Variants in ALAS1 observed in about 807,000 individuals in gnomAD.
ALAS1 encodes the protein 5-aminolevulinate synthase, non-specific, mitochondrial.
A neutral mutation model predicts 59.6 loss-of-function variants in ALAS1; 29 were observed. The observed-to-expected ratio is 0.49, with a 90% CI of 0.36 to 0.66. ALAS1 has a LOEUF of 0.66. Among genes scored for constraint, ALAS1 ranks in the 30% least tolerant of loss-of-function variants. The pLI, the probability that ALAS1 is intolerant of heterozygous loss-of-function variation, is 0.00. For missense variants in ALAS1, 690 were observed against 807.5 expected (o/e 0.85, Z 1.76); for synonymous variants, 299 against 296.6 (o/e 1.01, Z -0.08).
At chr3:52,200,404 T>C (rs1699163883) in intron 3 of ALAS1, among the ~76,000 whole-genome samples, 1 of 152,218 alleles carries the variant, frequency 6.6e-6, no homozygotes, top group South Asian at 2.1e-4. Context: ...GTACCTCATA[T>C]AAGTGAAATT....
At position 52,208,159 on chromosome 3, in the gene ALAS1, C is replaced by T. The variant is rs766317488; in HGVS notation, c.1242C>T (p.His414=). 18 of 1,612,926 alleles carry T rather than the reference C, an allele frequency of 1.1e-5. No homozygotes were observed. The highest frequency in any genetic ancestry group is 2.2e-5 in the South Asian group (2 of 90,912). Residue 414 remains histidine (H), a synonymous_variant, in exon 9 of 12, where the codon CAC becomes CAT. Coordinates refer to ENST00000484952, the MANE Select transcript of ALAS1 (RefSeq NM_000688.6). ...CAATCACCTTCGTGGATGAGGTCCA[C>T]GCAGTGGGGCTTTATGGGGCTCGAG... is the stretch of plus-strand genomic sequence containing the variant. ...FGAITFVDEV[H]AVGLYGARGG...
intron 9 of ALAS1, among the ~76,000 whole-genome samples, chr3:52,208,530 G>A (rs1296646078): frequency 6.6e-6 from 1 of 152,222 alleles, no homozygotes; most frequent in Non-Finnish European, 1.5e-5. Context: ...GCAAGAGCCT[G>A]TACTCTCTGT....
intron 10 of ALAS1, among the ~76,000 whole-genome samples, chr3:52,211,875 A>G (rs1413406304): frequency 6.6e-6 from 1 of 152,202 alleles, no homozygotes; most frequent in Non-Finnish European, 1.5e-5. Context: ...AGTAAATTTC[A>G]AAATAGGTTT....
At chr3:52,198,138 A>G (rs1446819270), upstream of ALAS1, 6 of 398,244 alleles carry the variant, frequency 1.5e-5, no homozygotes, top group Non-Finnish European at 2.2e-5. Flanking sequence ...CTGTATATTA[A>G]GGCGCCGGCG....
intron 11 of ALAS1, among the ~76,000 whole-genome samples, chr3:52,212,959 C>T (rs766293941): frequency 4.6e-5 from 7 of 152,122 alleles, no homozygotes; most frequent in African/African-American, 1.4e-4. Flanking sequence ...CCTGGGAATC[C>T]GCTCAGTGTT....
chr3:52,205,318 C>T (rs1699271817), intron 6 of ALAS1, among the ~76,000 whole-genome samples: 1 of 152,136 alleles, frequency 6.6e-6, no homozygotes, highest in Non-Finnish European at 1.5e-5. Context: ...TGGTAGATCC[C>T]ATCACTCGTC....
chr3:52,202,477 A>G (rs369979131), intron 3 of ALAS1, 30 bp from the exon 4 acceptor site: 648 of 1,570,588 alleles, frequency 4.1e-4, no homozygotes, highest in Non-Finnish European at 5.2e-4. Context: ...ACCAGATCTG[A>G]TGCTTCACTT....
Position 52,198,697 on chromosome 3 carries a change from G to C in ALAS1, c.-184G>C, listed in dbSNP as rs540171172. 17 of 1,056,802 alleles carry C rather than the reference G, an allele frequency of 1.6e-5. No individual in the cohort carries two copies. The African/African-American group carries it at 2.5e-4, about 16-fold the overall frequency. 65.5% of individuals were successfully genotyped at this position (1,056,802 alleles called of 1,614,324 possible). A position where few individuals can be genotyped will look rare whatever the true frequency, so the allele number is the denominator to read the frequency against. On this transcript the variant is annotated 5_prime_UTR_variant, in exon 2 of 12. Transcript: ENST00000484952. Reference sequence around the variant, plus strand: ...TTATGCCCAGTTCTTCCCGCTGTGGGGACACGACCACGGAGGAATCCTTGC... The same window carrying C: ...TTATGCCCAGTTCTTCCCGCTGTGGCGACACGACCACGGAGGAATCCTTGC...
In ALAS1 at chr3:52,202,504, CA is replaced by C. The variant is rs1159509147; in HGVS notation, c.200-2del. The C allele has an allele frequency of 6.2e-7, 1 of 1,607,710 alleles. No individual in the cohort carries two copies. On this transcript the variant is annotated splice_acceptor_variant, in intron 3 of 11. Coordinates refer to ENST00000484952, the MANE Select transcript of ALAS1 (RefSeq NM_000688.6). LOFTEE classifies it high-confidence loss of function. Reference sequence around the variant, plus strand: ...GCTTCACTTTTTCCATTTCCTCCCTCAGAAGACAAAACTGCTAAGGCCAAGG... The same window carrying C: ...GCTTCACTTTTTCCATTTCCTCCCTCGAAGACAAAACTGCTAAGGCCAAGG...
intron 3 of ALAS1, among the ~76,000 whole-genome samples, chr3:52,200,898 A>T (rs1451526096): frequency 6.6e-6 from 1 of 152,118 alleles, no homozygotes; most frequent in Non-Finnish European, 1.5e-5. Flanking sequence ...TTCTTTAAGC[A>T]GAAAGGATTT....
At chr3:52,210,403 G>C (rs1234260458) in intron 9 of ALAS1, among the ~76,000 whole-genome samples, 1 of 152,200 alleles carries the variant, frequency 6.6e-6, no homozygotes, top group African/African-American at 2.4e-5. Context: ...CCTGCATTTT[G>C]ATCCTGGTTA....
rs1699469862 is a variant in ALAS1 at position 52,214,221 on chromosome 3, A to G, written c.*41A>G. ...TTTCACTTAACCCCAGGCCATTATCATATCCAGATGGTCTTCAGAGTTGTC... is the reference window on the plus strand; with the variant it reads ...TTTCACTTAACCCCAGGCCATTATCGTATCCAGATGGTCTTCAGAGTTGTC... On this transcript the variant is annotated 3_prime_UTR_variant, in exon 12 of 12. Coordinates refer to ENST00000484952, the MANE Select transcript of ALAS1 (RefSeq NM_000688.6). 2.6e-6 allele frequency: 4 copies of G among 1,531,028 alleles called. No individual in the cohort carries two copies. The highest frequency in any genetic ancestry group is 3.6e-6 in the Non-Finnish European group (4 of 1,121,980). The allele number at this position is 1,531,028 out of a possible 1,614,324, so 94.8% of individuals were successfully genotyped here.
At position 52,205,850 on chromosome 3, in the gene ALAS1, A is replaced by G. The variant is rs1479780534; in HGVS notation, c.812A>G (p.Lys271Arg). The G allele has an allele frequency of 6.2e-7, 1 of 1,609,370 alleles. No individual in the cohort carries two copies. The highest frequency in any genetic ancestry group is 1.7e-5 in the Admixed American group (1 of 59,348). The change falls in exon 7 of 12, where the codon AAA becomes AGA. Residue 271 changes from lysine (K) to arginine (R), a missense_variant. Lys to Arg is a conservative substitution (Grantham distance 26). Transcript: ENST00000484952. ...GTATTTTTAAACAGGGACACTTTGA[A>G]ACAACATGGTGCTGGGGCAGGTGGT... ...RVCGAVMDTLKQHGAGAGGTR... is the reference protein window; with the variant it reads ...RVCGAVMDTLRQHGAGAGGTR...
chr3:52,198,568 C>G lies in ALAS1; in HGVS notation c.-209-104C>G, dbSNP rs1699118543. ...ACTGCCGGAGGACTGCCTTCTTTCT[C>G]CAGACTCAACTCCCTCGACTTTATA... is the stretch of plus-strand genomic sequence containing the variant. On this transcript the variant is annotated intron_variant, in intron 1 of 11. Transcript: ENST00000484952. 2.7e-5 allele frequency: 15 copies of G among 563,894 alleles called. No individual in the cohort carries two copies. In the South Asian group the frequency reaches 3.4e-4, roughly 13 times the overall value. The allele number at this position is 563,894 out of a possible 1,614,324, so 34.9% of individuals were successfully genotyped here.
At chr3:52,206,840 A>ATTTTTTTTTTTTTTTTTTTTTTT in intron 8 of ALAS1, 89 bp downstream of exon 8, 1 of 976,982 alleles carries the variant, frequency 1.0e-6, no homozygotes, top group African/African-American at 1.7e-5. Context: ...GTGTTTTTTA[A>ATTTTTTTTTTTTTTTTTTTTTTT]TTTTTTTTTT....
intron 11 of ALAS1, among the ~76,000 whole-genome samples, chr3:52,212,666 G>T (rs1047612882): frequency 1.7e-4 from 26 of 151,992 alleles, no homozygotes; most frequent in African/African-American, 5.8e-4. Context: ...TGAGTAGCTG[G>T]GATTACAGCC....
At chr3:52,208,014 G>T in intron 8 of ALAS1, 69 bp from the exon 9 acceptor site, 1 of 1,442,232 alleles carries the variant, frequency 6.9e-7, no homozygotes, top group South Asian at 1.5e-5. Context: ...ACGTTGTTCT[G>T]ACTCTAACCA....
intron 8 of ALAS1, 100 bp downstream of exon 8, chr3:52,206,851 T>G (rs1215532234): frequency 3.0e-6 from 4 of 1,323,460 alleles, no homozygotes; most frequent in Non-Finnish European, 4.1e-6. Flanking sequence ...TTTTTTTTTT[T>G]TGTGACCGAT....
chr3:52,212,903 A>AT (rs1559877704), intron 11 of ALAS1, among the ~76,000 whole-genome samples: 1 of 152,106 alleles, frequency 6.6e-6, no homozygotes, highest in Non-Finnish European at 1.5e-5. Context: ...TTATTGTCTG[A>AT]TTCACATCAA....
Sources: gnomAD v4.1 joint callset for allele counts (sites outside exome capture counted in the v4.1 genomes callset) on GRCh38, gnomAD v4.1.1 for gene constraint, MANE v1.5 for transcripts, NCBI Gene and HGNC (gene_info 2026-07-23, HGNC 2026-07-21) for gene names.